The following ARID1B variants were observed in gnomAD, a reference collection of about 807,000 sequenced individuals.
The protein encoded by ARID1B is AT-rich interactive domain-containing protein 1B.
Under a neutral mutation model 212.3 loss-of-function variants are expected in ARID1B, and 30 were observed. The ratio of observed to expected loss-of-function variants is 0.14; its 90% CI spans 0.11 to 0.19. The LOEUF (loss-of-function observed/expected upper bound fraction) is 0.19. ARID1B is among the 10% of genes least tolerant of loss of function. The probability of loss-of-function intolerance (pLI) is 1.00; values close to 1 mark genes in which losing one functional copy is unlikely to be tolerated. For synonymous variants in ARID1B, 1,402 were observed against 1,301.7 expected, an observed-to-expected ratio of 1.08 and a Z score of -1.66; for missense variants, 2,891 against 3,204.0, an observed-to-expected ratio of 0.90 and a Z score of 2.36.
At chr6:157,051,016 G>A (rs899631460) in intron 4 of ARID1B, among the ~76,000 whole-genome samples, 2 of 152,230 alleles carry the variant, frequency 1.3e-5, no homozygotes, top group African/African-American at 4.8e-5. Context: ...AGCAAGGCCT[G>A]TCTGAACTGC....
chr6:157,205,626 C>G (rs912984268), intron 19 of ARID1B: 1 of 152,346 alleles, frequency 6.6e-6, no homozygotes, highest in African/African-American at 2.4e-5. Context: ...AAATTATCTT[C>G]TCCAAAAGAT....
intron 5 of ARID1B, among the ~76,000 whole-genome samples, chr6:157,085,718 G>T (rs1784921190): frequency 6.6e-6 from 1 of 151,506 alleles, no homozygotes; most frequent in Non-Finnish European, 1.5e-5. Flanking sequence ...AAAAAAAAGT[G>T]TATTGTGGAA....
intron 4 of ARID1B, chr6:156,942,877 T>A (rs1792783815): frequency 6.6e-6 from 1 of 152,256 alleles, no homozygotes; most frequent in Non-Finnish European, 1.5e-5. Context: ...GCTTTTAATT[T>A]ACAGATTTTC....
intron 4 of ARID1B, among the ~76,000 whole-genome samples, chr6:157,028,813 T>C (rs1780832175): frequency 6.6e-6 from 1 of 152,250 alleles, no homozygotes; most frequent in African/African-American, 2.4e-5. Flanking sequence ...AATTTGGGCC[T>C]GTCAGTCTCC....
chr6:156,840,586 A>G lies in ARID1B; in HGVS notation c.1986+11165A>G, dbSNP rs1039949802. 2.6e-5 allele frequency among the ~76,000 whole-genome samples: 4 copies of G among 152,200 alleles called. No individual in the cohort carries two copies. In the East Asian group the frequency reaches 7.7e-4, roughly 29 times the overall value. Reference sequence around the variant, plus strand: ...GCTTTAGCCGTGTTATCTGCCACCCATGGTTCGCTCCGAGATTAGGCTCAT... The same window carrying G: ...GCTTTAGCCGTGTTATCTGCCACCCGTGGTTCGCTCCGAGATTAGGCTCAT... On this transcript the variant is annotated intron_variant, in intron 2 of 19. Transcript: ENST00000636930.
chr6:156,825,288 A>G (rs1362866584), intron 1 of ARID1B, among the ~76,000 whole-genome samples: 2 of 152,256 alleles, frequency 1.3e-5, no homozygotes, highest in African/African-American at 4.8e-5. Context: ...TGAATATTTA[A>G]TAATAGACCA....
intron 4 of ARID1B, among the ~76,000 whole-genome samples, chr6:157,013,581 G>A (rs1779735935): frequency 6.6e-6 from 1 of 152,236 alleles, no homozygotes; most frequent in Non-Finnish European, 1.5e-5. Flanking sequence ...CACGAGCCAA[G>A]TATTTCAGTG....
chr6:157,047,184 A>G (rs371661830), intron 4 of ARID1B, among the ~76,000 whole-genome samples: 30 of 152,150 alleles, frequency 2.0e-4, no homozygotes, highest in African/African-American at 7.2e-4. Context: ...TGAAAACGGT[A>G]TTTTTCTTTA....
At chr6:157,079,961 C>T (rs1243822896) in intron 4 of ARID1B, among the ~76,000 whole-genome samples, 1 of 152,092 alleles carries the variant, frequency 6.6e-6, no homozygotes, top group Non-Finnish European at 1.5e-5. Flanking sequence ...TTTTTGAAGA[C>T]CACTGAACTG....
At chr6:157,077,172 T>G (rs1428679435) in intron 4 of ARID1B, among the ~76,000 whole-genome samples, 1 of 152,210 alleles carries the variant, frequency 6.6e-6, no homozygotes, top group Non-Finnish European at 1.5e-5. Flanking sequence ...TTGTTGTCAT[T>G]GTGTTATTTG....
At chr6:156,936,119 G>A (rs1191343455) in intron 4 of ARID1B, 1 of 152,532 alleles carries the variant, frequency 6.6e-6, no homozygotes, top group Non-Finnish European at 1.5e-5. Context: ...AAGGTGGGCG[G>A]ATCACTTGAG....
At chr6:156,847,694 AAC>A (rs1313812622) in intron 2 of ARID1B, among the ~76,000 whole-genome samples, 1 of 152,164 alleles carries the variant, frequency 6.6e-6, no homozygotes, top group Non-Finnish European at 1.5e-5. Context: ...GGTAGTTATT[AAC>A]ACACGTCTGC....
rs548282560 is a variant in ARID1B at position 157,153,645 on chromosome 6, G to A, written c.3089+4694G>A. On this transcript the variant is annotated intron_variant, in intron 8 of 19. Transcript: ENST00000636930. ...TTGCCAGAAGCTTAGGAAGAACTTT[G>A]GCCTACCACTTCCTAAAGAGCATAG... Among the ~76,000 whole-genome samples the A allele has an allele frequency of 9.2e-5, 14 of 152,196 alleles. No homozygotes were observed. In the South Asian group the frequency reaches 1.2e-3, roughly 14 times the overall value.
At chr6:157,008,522 G>C (rs529780008) in intron 4 of ARID1B, among the ~76,000 whole-genome samples, 35 of 152,266 alleles carry the variant, frequency 2.3e-4, no homozygotes, top group Middle Eastern at 3.4e-3. Flanking sequence ...AAAAAACATG[G>C]ATTTGCACCC....
intron 3 of ARID1B, among the ~76,000 whole-genome samples, chr6:156,918,668 G>A (rs553148893): frequency 1.3e-5 from 2 of 152,152 alleles, no homozygotes; most frequent in Non-Finnish European, 2.9e-5. Context: ...AGCATCCGAG[G>A]AGACAACTTC....
chr6:156,976,018 C>T (rs556957585), intron 4 of ARID1B, among the ~76,000 whole-genome samples: 2 of 151,606 alleles, frequency 1.3e-5, no homozygotes, highest in South Asian at 4.2e-4. Context: ...GCGGGTGTAT[C>T]GTACAAAGTA....
intron 4 of ARID1B, among the ~76,000 whole-genome samples, chr6:157,009,272 AG>A (rs1359700019): frequency 6.6e-6 from 1 of 152,218 alleles, no homozygotes. Flanking sequence ...AAGGAAAGTG[AG>A]GCTTCAAGGT....
chr6:157,068,958 T>C (rs1783845575), intron 4 of ARID1B, among the ~76,000 whole-genome samples: 1 of 152,160 alleles, frequency 6.6e-6, no homozygotes, highest in African/African-American at 2.4e-5. Flanking sequence ...AGAATAGGAG[T>C]AAATGTCTAC....
At chr6:156,981,292 A>G (rs1777587015) in intron 4 of ARID1B, among the ~76,000 whole-genome samples, 2 of 152,214 alleles carry the variant, frequency 1.3e-5, no homozygotes, top group African/African-American at 4.8e-5. Context: ...AGGTAGCTGG[A>G]TCAGGCAATG....
Sources: allele counts gnomAD v4.1 joint callset (sites outside exome capture counted in the v4.1 genomes callset), GRCh38; gene constraint gnomAD v4.1.1; transcripts MANE v1.5; gene names NCBI Gene and HGNC (gene_info 2026-07-23, HGNC 2026-07-21).